Variants in STARD7 observed in about 807,000 individuals in gnomAD.
The protein encoded by STARD7 is StAR related lipid transfer domain containing 7.
STARD7 carries 30 observed loss-of-function variants against 45.3 expected under a neutral mutation model. The ratio of observed to expected loss-of-function variants is 0.66; its 90% confidence interval spans 0.50 to 0.90. STARD7 has a LOEUF of 0.90. STARD7 is among the 40% of genes least tolerant of loss of function. STARD7 has a pLI of 0.00. For missense variants in STARD7, 495 were observed against 491.3 expected, an observed-to-expected ratio of 1.01 and a Z score of -0.07; for synonymous variants, 199 against 183.0, an observed-to-expected ratio of 1.09 and a Z score of -0.70.
In STARD7 at chr2:96,186,561, G is replaced by C; in HGVS notation, c.*169C>G. ...ATGTAGCCTTCTTCTGTTTTGATAA[G>C]AGCAATAAGGGCTCTGAATGAAATG... On this transcript the variant is annotated 3_prime_UTR_variant, in exon 8 of 8. Transcript: ENST00000337288. The C allele has an allele frequency of 2.0e-6, 1 of 489,024 alleles. No homozygotes were observed. The highest frequency in any genetic ancestry group is 3.4e-5 in the East Asian group (1 of 29,800). 30.3% of individuals were successfully genotyped at this position (489,024 alleles called of 1,614,324 possible).
chr2:96,203,637 A>C (rs1683341328), intron 1 of STARD7, among the ~76,000 whole-genome samples: 1 of 152,226 alleles, frequency 6.6e-6, no homozygotes, highest in Non-Finnish European at 1.5e-5. Context: ...TGTCAAAGTC[A>C]GGTTCTACTG....
At chr2:96,187,389 T>A (rs547894214) in intron 6 of STARD7, 88 bp from the exon 7 acceptor site, 1 of 835,530 alleles carries the variant, frequency 1.2e-6, no homozygotes, top group Admixed American at 2.1e-5. Flanking sequence ...TATGATCTGA[T>A]TCTGGAGCAG....
At chr2:96,204,460 C>G (rs1049216126) in intron 1 of STARD7, among the ~76,000 whole-genome samples, 5 of 151,662 alleles carry the variant, frequency 3.3e-5, no homozygotes, top group Admixed American at 3.3e-4. Context: ...GAGGCTGAGG[C>G]AGGAGAATCG....
At chr2:96,187,579 G>A (rs1683056747) in intron 6 of STARD7, 1 of 279,192 alleles carries the variant, frequency 3.6e-6, no homozygotes, top group Non-Finnish European at 6.9e-6. Flanking sequence ...CGTGGTTTAT[G>A]CTGAACACAG....
At chr2:96,202,167 C>T (rs933911060) in intron 1 of STARD7, among the ~76,000 whole-genome samples, 11 of 152,132 alleles carry the variant, frequency 7.2e-5, no homozygotes, top group African/African-American at 2.7e-4. Flanking sequence ...TAAAGCACAG[C>T]TCCTAATTTA....
chr2:96,200,239 A>G (rs1455298886), intron 1 of STARD7, among the ~76,000 whole-genome samples: 1 of 152,062 alleles, frequency 6.6e-6, no homozygotes, highest in Non-Finnish European at 1.5e-5. Context: ...ACATGCAGCT[A>G]ATTTGTTTTC....
At chr2:96,195,315 C>G in intron 2 of STARD7, 26 bp downstream of exon 2, 2 of 1,543,450 alleles carry the variant, frequency 1.3e-6, no homozygotes, top group Non-Finnish European at 1.8e-6. Context: ...ACTATGGAAC[C>G]CAAAAGATAG....
chr2:96,193,201 C>A, intron 4 of STARD7, 41 bp from the exon 5 acceptor site: 3 of 1,598,070 alleles, frequency 1.9e-6, no homozygotes, highest in Non-Finnish European at 2.6e-6. Flanking sequence ...CTGCATCACA[C>A]AAACCTGGAC....
intron 1 of STARD7, among the ~76,000 whole-genome samples, chr2:96,199,110 A>G (rs1212796701): frequency 1.3e-5 from 2 of 152,222 alleles, no homozygotes; most frequent in East Asian, 3.8e-4. Context: ...GGGAACAGTG[A>G]GTCCTCCAAA....
At chr2:96,199,977 G>A (rs1161119419) in intron 1 of STARD7, among the ~76,000 whole-genome samples, 1 of 152,170 alleles carries the variant, frequency 6.6e-6, no homozygotes, top group South Asian at 2.1e-4. Flanking sequence ...TTTGTATGAA[G>A]AACCGACCTT....
chr2:96,186,996 G>A, intron 7 of STARD7, 82 bp from the exon 8 acceptor site: 1 of 1,304,248 alleles, frequency 7.7e-7, no homozygotes, highest in Non-Finnish European at 1.1e-6. Context: ...TTCTTTGATG[G>A]TAGGGAACTA....
chr2:96,207,878 GTTGT>G (rs899696440), intron 1 of STARD7, among the ~76,000 whole-genome samples: 1 of 152,184 alleles, frequency 6.6e-6, no homozygotes, highest in African/African-American at 2.4e-5. Context: ...TTTCTACAGT[GTTGT>G]TTCTTTACTG....
intron 6 of STARD7, among the ~76,000 whole-genome samples, chr2:96,191,662 G>GTT (rs141460811): frequency 2.8e-5 from 4 of 144,556 alleles, no homozygotes; most frequent in East Asian, 2.0e-4. Flanking sequence ...TTTTTTTTTT[G>GTT]TTTTTTTTTA....
chr2:96,189,728 A>G (rs1307643283), intron 6 of STARD7, among the ~76,000 whole-genome samples: 1 of 150,752 alleles, frequency 6.6e-6, no homozygotes, highest in African/African-American at 2.4e-5. Context: ...AAAAAAATCA[A>G]TATTTTGTAC....
chr2:96,196,062 G>A (rs549989158), intron 1 of STARD7, among the ~76,000 whole-genome samples: 6 of 147,978 alleles, frequency 4.1e-5, no homozygotes, highest in Non-Finnish European at 3.0e-5. Context: ...GCAGTAAGCC[G>A]AGATCACGCC....
intron 1 of STARD7, among the ~76,000 whole-genome samples, chr2:96,203,177 A>G (rs922036755): frequency 1.3e-5 from 2 of 152,232 alleles, no homozygotes; most frequent in South Asian, 4.1e-4. Flanking sequence ...TCACTAACAT[A>G]TATGTGGAGA....
Position 96,185,070 on chromosome 2 carries a change from C to A in STARD7, c.*1660G>T, listed in dbSNP as rs191423125. 5 of 150,214 alleles carry A rather than the reference C, an allele frequency of 3.3e-5. No individual in the cohort carries two copies. Among genetic ancestry groups the A allele is most frequent in the Admixed American group, 1.3e-4 (2 of 15,184 alleles). 9.3% of individuals were successfully genotyped at this position (150,214 alleles called of 1,614,324 possible). On this transcript the variant is annotated 3_prime_UTR_variant, in exon 8 of 8. Coordinates refer to ENST00000337288, the MANE Select transcript of STARD7 (RefSeq NM_020151.4). Reference sequence around the variant, plus strand: ...AGACGCACACACACACACACATATTCTCTCTCTCTCTTATGCACACATCCA... The same window carrying A: ...AGACGCACACACACACACACATATTATCTCTCTCTCTTATGCACACATCCA...
chr2:96,205,519 T>G (rs909042319), intron 1 of STARD7, among the ~76,000 whole-genome samples: 1 of 152,170 alleles, frequency 6.6e-6, no homozygotes, highest in Non-Finnish European at 1.5e-5. Flanking sequence ...ATCATGCTCT[T>G]TTTCCATTAA....
intron 5 of STARD7, among the ~76,000 whole-genome samples, chr2:96,192,750 C>T (rs1475443938): frequency 6.6e-6 from 1 of 152,098 alleles, no homozygotes. Context: ...TGAAACCCTG[C>T]GTCTACAACA....
Sources: allele counts gnomAD v4.1 joint callset (sites outside exome capture counted in the v4.1 genomes callset), GRCh38; gene constraint gnomAD v4.1.1; transcripts MANE v1.5; gene names NCBI Gene and HGNC (gene_info 2026-07-23, HGNC 2026-07-21).